Variants in SPATA17 observed in about 807,000 individuals in gnomAD.
SPATA17 encodes spermatogenesis-associated protein 17.
In SPATA17, 53 loss-of-function variants were observed where a neutral mutation model predicts 62.2. That is an observed-to-expected ratio of 0.85 (90% CI 0.68 to 1.07). The LOEUF (loss-of-function observed/expected upper bound fraction) is 1.07, where lower values mean the gene tolerates loss of function less well. Among genes scored for constraint, SPATA17 ranks in the 50% least tolerant of loss-of-function variants. The pLI is 0.00. For synonymous variants in SPATA17, 146 were observed against 146.8 expected, an observed-to-expected ratio of 0.99 and a Z score of 0.04; for missense variants, 466 against 425.5, an observed-to-expected ratio of 1.10 and a Z score of -0.84.
intron 9 of SPATA17, among the ~76,000 whole-genome samples, chr1:217,817,095 G>A (rs886066366): frequency 2.5e-4 from 38 of 152,072 alleles, no homozygotes; most frequent in African/African-American, 8.5e-4. Flanking sequence ...TTGTATTTTA[G>A]TGAAATCTGA....
intron 9 of SPATA17, among the ~76,000 whole-genome samples, chr1:217,858,294 A>G (rs1003734604): frequency 1.3e-5 from 2 of 152,124 alleles, no homozygotes; most frequent in Non-Finnish European, 2.9e-5. Context: ...GTAAGTGCCA[A>G]TGGAATTGAT....
At chr1:217,850,538 A>G (rs1454273064) in intron 9 of SPATA17, 14 of 1,589,084 alleles carry the variant, frequency 8.8e-6, no homozygotes, top group Non-Finnish European at 1.2e-5. Context: ...TGCCTTCCTT[A>G]TCCTGGATAT....
At chr1:217,779,730 A>G (rs1237982867) in intron 7 of SPATA17, among the ~76,000 whole-genome samples, 2 of 152,010 alleles carry the variant, frequency 1.3e-5, no homozygotes, top group Non-Finnish European at 2.9e-5. Context: ...ATAAAAAAGT[A>G]TATACCTCAT....
At chr1:217,682,656 A>C (rs1410069891) in intron 4 of SPATA17, among the ~76,000 whole-genome samples, 1 of 152,140 alleles carries the variant, frequency 6.6e-6, no homozygotes, top group Non-Finnish European at 1.5e-5. Flanking sequence ...AAATGAGGTA[A>C]TGAGTATTTA....
At chr1:217,683,133 G>A in intron 4 of SPATA17, 125 bp from the exon 5 acceptor site, 1 of 524,488 alleles carries the variant, frequency 1.9e-6, no homozygotes, top group Non-Finnish European at 3.3e-6. Context: ...TACAATATTA[G>A]TGGAAAAGCC....
chr1:217,846,104 T>C (rs1219036084), intron 9 of SPATA17, among the ~76,000 whole-genome samples: 1 of 152,130 alleles, frequency 6.6e-6, no homozygotes. Context: ...CCTACCCATA[T>C]AGTTGGAGAC....
intron 6 of SPATA17, among the ~76,000 whole-genome samples, chr1:217,753,910 T>G (rs1672976304): frequency 6.6e-6 from 1 of 152,128 alleles, no homozygotes; most frequent in African/African-American, 2.4e-5. Flanking sequence ...GGAAGTTAAT[T>G]AATATTTGCT....
At chr1:217,677,101 A>G (rs1670964252) in intron 4 of SPATA17, among the ~76,000 whole-genome samples, 1 of 152,126 alleles carries the variant, frequency 6.6e-6, no homozygotes, top group Non-Finnish European at 1.5e-5. Context: ...AACAGAAGCA[A>G]TAGTAACAAG....
chr1:217,743,322 G>C (rs988408869), intron 6 of SPATA17, among the ~76,000 whole-genome samples: 9 of 151,802 alleles, frequency 5.9e-5, no homozygotes, highest in Non-Finnish European at 1.0e-4. Context: ...TTGTATAATT[G>C]AGGTGCTACA....
intron 9 of SPATA17, among the ~76,000 whole-genome samples, chr1:217,807,822 G>A (rs1207636059): frequency 6.6e-6 from 1 of 152,198 alleles, no homozygotes; most frequent in Non-Finnish European, 1.5e-5. Flanking sequence ...GATGAAAAGG[G>A]AAGGTTCTTA....
At chr1:217,719,977 A>G (rs888579851) in intron 5 of SPATA17, among the ~76,000 whole-genome samples, 5 of 152,136 alleles carry the variant, frequency 3.3e-5, no homozygotes, top group African/African-American at 1.2e-4. Context: ...GCAAGGACCT[A>G]CCTTTGTTGG....
intron 5 of SPATA17, among the ~76,000 whole-genome samples, chr1:217,720,199 G>A (rs573181391): frequency 6.6e-6 from 1 of 152,216 alleles, no homozygotes; most frequent in East Asian, 1.9e-4. Flanking sequence ...TACAGATCCA[G>A]GTCCAGTTTT....
chr1:217,792,930 T>C (rs1674033939), intron 8 of SPATA17, among the ~76,000 whole-genome samples: 1 of 152,126 alleles, frequency 6.6e-6, no homozygotes, highest in Non-Finnish European at 1.5e-5. Context: ...AAAAAATATA[T>C]AAGAAGCATT....
At position 217,742,005 on chromosome 1, in the gene SPATA17, A is replaced by G. The variant is rs1672635422; in HGVS notation, c.426A>G (p.Lys142=). ...RKALEEFAEM[K]EREEKKANLE... is the part of the protein sequence containing the mutation. ...CACTGGAGGAGTTTGCAGAAATGAA[A>G]GAAAGAGAAGAGAAGAAGGCTAACC... is the stretch of plus-strand genomic sequence containing the variant. The change falls in exon 6 of 11, where the codon AAA becomes AAG. Residue 142 remains lysine, a synonymous_variant. Transcript: ENST00000366933. 3 of 1,614,152 alleles carry G rather than the reference A, an allele frequency of 1.9e-6. No homozygotes were observed. Among genetic ancestry groups the G allele is most frequent in the African/African-American group, 1.3e-5 (1 of 75,052 alleles).
At chr1:217,808,383 C>CA (rs34932787) in intron 9 of SPATA17, among the ~76,000 whole-genome samples, 10,108 of 68,556 alleles carry the variant, frequency 0.15, 500 homozygotes, top group African/African-American at 0.23. Context: ...ACACACACAC[C>CA]CCCCTCAGAA....
intron 8 of SPATA17, among the ~76,000 whole-genome samples, chr1:217,783,834 G>T (rs1478554153): frequency 6.6e-6 from 1 of 151,940 alleles, no homozygotes; most frequent in Non-Finnish European, 1.5e-5. Context: ...CCCAAAGAAA[G>T]TTGCTCGATT....
At chr1:217,837,442 G>T (rs530686961) in intron 9 of SPATA17, among the ~76,000 whole-genome samples, 1 of 152,224 alleles carries the variant, frequency 6.6e-6, no homozygotes, top group East Asian at 1.9e-4. Flanking sequence ...TAATTTGGGG[G>T]TGGTGCTTGA....
chr1:217,836,648 G>T (rs549009169), intron 9 of SPATA17, among the ~76,000 whole-genome samples: 1 of 152,050 alleles, frequency 6.6e-6, no homozygotes, highest in East Asian at 1.9e-4. Flanking sequence ...GGCTTCTCTT[G>T]TTTGTATTAT....
intron 8 of SPATA17, among the ~76,000 whole-genome samples, chr1:217,787,004 T>C (rs1237940509): frequency 2.0e-5 from 3 of 152,082 alleles, no homozygotes; most frequent in Non-Finnish European, 4.4e-5. Context: ...CTGCATCTTT[T>C]CTTGAGTGTG....
Sources: allele counts gnomAD v4.1 joint callset (sites outside exome capture counted in the v4.1 genomes callset), GRCh38; gene constraint gnomAD v4.1.1; transcripts MANE v1.5; gene names NCBI Gene and HGNC (gene_info 2026-07-23, HGNC 2026-07-21).